The following GPCPD1 variants were observed in gnomAD, a reference collection of about 807,000 sequenced individuals.
GPCPD1 encodes glycerophosphocholine phosphodiesterase 1.
GPCPD1 carries 29 observed loss-of-function variants against 89.2 expected under a neutral mutation model. The observed-to-expected ratio is 0.33, with a 90% CI of 0.24 to 0.44. The LOEUF is 0.44. Ranked by LOEUF, GPCPD1 falls within the 20% of genes least tolerant of loss-of-function variation. The pLI is 1.00. For synonymous variants in GPCPD1, 258 were observed against 266.3 expected, an observed-to-expected ratio of 0.97 and a Z score of 0.30; for missense variants, 594 against 808.9, an observed-to-expected ratio of 0.73 and a Z score of 3.22.
At chr20:5,597,265 A>G (rs557402033) in intron 3 of GPCPD1, among the ~76,000 whole-genome samples, 8 of 152,330 alleles carry the variant, frequency 5.3e-5, no homozygotes, top group African/African-American at 1.9e-4. Flanking sequence ...CTCCTAGCTT[A>G]CATTACTGTT....
At chr20:5,566,392 T>C (rs1986395309) in intron 14 of GPCPD1, among the ~76,000 whole-genome samples, 1 of 152,228 alleles carries the variant, frequency 6.6e-6, no homozygotes, top group African/African-American at 2.4e-5. Context: ...CCCACGGTCA[T>C]AACAGGTAAA....
At chr20:5,586,909 C>T (rs1978964555) in intron 4 of GPCPD1, among the ~76,000 whole-genome samples, 1 of 152,110 alleles carries the variant, frequency 6.6e-6, no homozygotes, top group African/African-American at 2.4e-5. Context: ...ACTTGAAGAG[C>T]AAGTGTGATA....
chr20:5,602,962 AAC>A (rs1980269989), intron 2 of GPCPD1, among the ~76,000 whole-genome samples: 1 of 147,268 alleles, frequency 6.8e-6, no homozygotes, highest in Admixed American at 6.8e-5. Context: ...CAGCCTAGGC[AAC>A]AGAGTGAGAC....
chr20:5,593,313 T>A lies in GPCPD1; in HGVS notation c.231+14A>T. 4 of 1,350,152 alleles carry A rather than the reference T, an allele frequency of 3.0e-6. No individual in the cohort carries two copies. Among genetic ancestry groups the A allele is most frequent in the Non-Finnish European group, 3.2e-6 (3 of 942,090 alleles). 83.6% of individuals were successfully genotyped at this position (1,350,152 alleles called of 1,614,324 possible). A position where few individuals can be genotyped will look rare whatever the true frequency, so the allele number is the denominator to read the frequency against. On this transcript the variant is annotated intron_variant, in intron 4 of 19. Coordinates refer to ENST00000379019, the MANE Select transcript of GPCPD1 (RefSeq NM_019593.5). ...AGTGCTAAAGGAATTGGAAACTAGA[T>A]AAAGAAAACATACCTTTGGTTCTAA...
intron 2 of GPCPD1, among the ~76,000 whole-genome samples, chr20:5,600,299 T>C (rs1030313034): frequency 6.6e-6 from 1 of 152,264 alleles, no homozygotes; most frequent in Admixed American, 6.5e-5. Context: ...CCCATGCCTG[T>C]AATCCCAGCA....
intron 19 of GPCPD1, among the ~76,000 whole-genome samples, chr20:5,548,631 A>C (rs1568637080): frequency 1.3e-5 from 2 of 152,216 alleles, no homozygotes; most frequent in Non-Finnish European, 2.9e-5. Flanking sequence ...TATTCCATTA[A>C]AAATAAAACA....
At chr20:5,578,139 A>G (rs542889597) in intron 8 of GPCPD1, among the ~76,000 whole-genome samples, 2 of 152,332 alleles carry the variant, frequency 1.3e-5, no homozygotes, top group Admixed American at 1.3e-4. Flanking sequence ...ATTATTTAGC[A>G]TACAGGCATC....
intron 3 of GPCPD1, among the ~76,000 whole-genome samples, chr20:5,596,014 G>A (rs930674404): frequency 1.3e-5 from 2 of 152,044 alleles, no homozygotes; most frequent in Non-Finnish European, 2.9e-5. Context: ...ATTCTAATGC[G>A]ATCCCTGGTA....
intron 9 of GPCPD1, 97 bp downstream of exon 9, chr20:5,575,719 T>C: frequency 1.1e-6 from 1 of 943,596 alleles, no homozygotes; most frequent in Non-Finnish European, 1.6e-6. Context: ...CTAAAGCAAA[T>C]TATTAATTTC....
At chr20:5,608,928 G>A (rs75324185) in intron 1 of GPCPD1, among the ~76,000 whole-genome samples, 5,035 of 152,168 alleles carry the variant, frequency 0.033, 191 homozygotes, top group East Asian at 0.16. Flanking sequence ...ATACAACATG[G>A]TAATTAATCC....
chr20:5,556,519 T>C (rs1229132663), intron 19 of GPCPD1, among the ~76,000 whole-genome samples: 1 of 152,192 alleles, frequency 6.6e-6, no homozygotes, highest in Non-Finnish European at 1.5e-5. Context: ...ATAACATTTA[T>C]ATGCACTCGG....
intron 1 of GPCPD1, among the ~76,000 whole-genome samples, chr20:5,605,469 T>G (rs1980515380): frequency 6.6e-6 from 1 of 151,752 alleles, no homozygotes; most frequent in Non-Finnish European, 1.5e-5. Flanking sequence ...ACAATGTAAC[T>G]TATCATTAAA....
At chr20:5,580,170 TG>T (rs759726197) in intron 6 of GPCPD1, 39 bp from the exon 7 acceptor site, 113 of 1,186,350 alleles carry the variant, frequency 9.5e-5, no homozygotes, top group Non-Finnish European at 1.2e-4. Flanking sequence ...TTATTATACA[TG>T]TTTTTTTAAA....
Position 5,567,237 on chromosome 20 carries a change from A to C in GPCPD1, c.1227+246T>G, listed in dbSNP as rs976916216. On this transcript the variant is annotated intron_variant, in intron 13 of 19. Transcript: ENST00000379019. ...AGAAGGGCTAGCCACTATGGCCTACAAAAACTTATGGTCTAGTTCGTTCCT... is the reference window on the plus strand; with the variant it reads ...AGAAGGGCTAGCCACTATGGCCTACCAAAACTTATGGTCTAGTTCGTTCCT... 3.3e-5 allele frequency among the ~76,000 whole-genome samples: 5 copies of C among 152,234 alleles called. No homozygotes were observed. The East Asian group carries it at 9.6e-4, about 29-fold the overall frequency.
intron 1 of GPCPD1, among the ~76,000 whole-genome samples, chr20:5,606,263 A>G (rs1358985425): frequency 2.6e-5 from 4 of 152,112 alleles, no homozygotes; most frequent in Non-Finnish European, 5.9e-5. Context: ...ACCATATTCT[A>G]CATCATAACT....
chr20:5,552,247 G>C (rs928442970), intron 19 of GPCPD1, among the ~76,000 whole-genome samples: 4 of 152,074 alleles, frequency 2.6e-5, no homozygotes, highest in African/African-American at 9.7e-5. Flanking sequence ...TAGGAATCCA[G>C]TGCCTGGCCA....
At chr20:5,552,227 C>T (rs1985457160) in intron 19 of GPCPD1, among the ~76,000 whole-genome samples, 1 of 152,156 alleles carries the variant, frequency 6.6e-6, no homozygotes, top group Non-Finnish European at 1.5e-5. Flanking sequence ...TTCCCCTCCT[C>T]AGACCCTATT....
intron 2 of GPCPD1, among the ~76,000 whole-genome samples, chr20:5,599,333 G>A (rs1979964217): frequency 6.6e-6 from 1 of 151,932 alleles, no homozygotes. Context: ...GCGTGTGGGG[G>A]CAGATGCCTG....
chr20:5,568,358 T>A (rs1986521256), intron 12 of GPCPD1, among the ~76,000 whole-genome samples: 1 of 151,048 alleles, frequency 6.6e-6, no homozygotes. Flanking sequence ...CTATTAAAAG[T>A]AAGACAGTAA....
Sources: allele counts gnomAD v4.1 joint callset (sites outside exome capture counted in the v4.1 genomes callset), GRCh38; gene constraint gnomAD v4.1.1; transcripts MANE v1.5; gene names NCBI Gene and HGNC (gene_info 2026-07-23, HGNC 2026-07-21).